ORAI2: variants seen among roughly 807,000 people sequenced by gnomAD.
The protein encoded by ORAI2 is ORAI calcium release-activated calcium modulator 2, also known as protein orai-2.
Under a neutral mutation model 16.2 loss-of-function variants are expected in ORAI2, and 10 were observed. The observed-to-expected ratio is 0.62, with a 90% CI of 0.38 to 1.04. The LOEUF (loss-of-function observed/expected upper bound fraction) is 1.04, where lower values mean the gene tolerates loss of function less well. ORAI2 is among the 50% of genes least tolerant of loss of function. The pLI, the probability that ORAI2 is intolerant of heterozygous loss-of-function variation, is 0.01. For synonymous variants in ORAI2, 150 were observed against 157.5 expected (o/e 0.95, Z 0.35); for missense variants, 238 against 355.5 (o/e 0.67, Z 2.66).
chr7:102,440,090 G>T (rs73189811), intron 3 of ORAI2, among the ~76,000 whole-genome samples: 19,382 of 152,104 alleles, frequency 0.13, 1,599 homozygotes, highest in South Asian at 0.27. Flanking sequence ...GAAATAAATA[G>T]ATTAATTAAT....
chr7:102,442,589 A>T (rs529954741), intron 3 of ORAI2, among the ~76,000 whole-genome samples: 2 of 152,272 alleles, frequency 1.3e-5, no homozygotes, highest in South Asian at 2.1e-4. Context: ...CGGGAGGCTG[A>T]GGCACGAGAA....
intron 2 of ORAI2, among the ~76,000 whole-genome samples, chr7:102,438,085 C>T (rs1341450051): frequency 6.6e-6 from 1 of 150,822 alleles, no homozygotes; most frequent in African/African-American, 2.4e-5. Flanking sequence ...CGGTGGGTCA[C>T]ACCTGTAATC....
rs10672661 is a variant in ORAI2 at position 102,451,200 on chromosome 7, C to CAAAA, written c.*4161_*4164dup. On this transcript the variant is annotated 3_prime_UTR_variant, in exon 4 of 4. Coordinates refer to ENST00000495936, the MANE Select transcript of ORAI2 (RefSeq NM_001126340.3). ...TGGGTAACAGAGCAAGACTCTGTCT[C>CAAAA]AAAAAAAAAAAAAAAAGAACAGGGG... 5.6e-5 allele frequency: 7 copies of CAAAA among 124,524 alleles called. No homozygotes were observed. Among genetic ancestry groups the CAAAA allele is most frequent in the Admixed American group, 1.7e-4 (2 of 11,668 alleles). The allele number at this position is 124,524 out of a possible 1,614,324, so 7.7% of individuals were successfully genotyped here. A position where few individuals can be genotyped will look rare whatever the true frequency, so the allele number is the denominator to read the frequency against.
intron 2 of ORAI2, among the ~76,000 whole-genome samples, chr7:102,437,899 AACAT>A (rs918317946): frequency 1.3e-5 from 2 of 151,946 alleles, no homozygotes; most frequent in African/African-American, 4.8e-5. Context: ...GAAAAATTAA[AACAT>A]TAGCAGGCAT....
At chr7:102,441,702 C>T (rs1011153440) in intron 3 of ORAI2, among the ~76,000 whole-genome samples, 4 of 151,528 alleles carry the variant, frequency 2.6e-5, no homozygotes, top group East Asian at 1.9e-4. Flanking sequence ...TTTTGACCTG[C>T]GGTTGGTTGA....
Position 102,455,906 on chromosome 7 carries a change from G to A in ORAI2, c.*8854G>A, listed in dbSNP as rs1797633584. 1 of 152,288 alleles carries A rather than the reference G, an allele frequency of 6.6e-6. No individual in the cohort carries two copies. Among genetic ancestry groups the A allele is most frequent in the Non-Finnish European group, 1.5e-5 (1 of 68,088 alleles). 9.4% of individuals were successfully genotyped at this position (152,288 alleles called of 1,614,324 possible). The stretch of plus-strand genomic sequence containing the variant: ...TCTTCAGCCCTCCTGGGAGCTCAGT[G>A]GCTGGGATGCTGCTTTACAGACAGT... On this transcript the variant is annotated 3_prime_UTR_variant, in exon 4 of 4. Transcript: ENST00000495936.
At chr7:102,436,478 C>T (rs1797061421) in intron 2 of ORAI2, 145 bp downstream of exon 2, 2 of 380,766 alleles carry the variant, frequency 5.3e-6, no homozygotes, top group Non-Finnish European at 7.2e-6. Flanking sequence ...TGCGTAATTT[C>T]CAAATTGGGG....
At position 102,451,876 on chromosome 7, in the gene ORAI2, T is replaced by A. The variant is rs1307368940; in HGVS notation, c.*4824T>A. On this transcript the variant is annotated 3_prime_UTR_variant, in exon 4 of 4. Coordinates refer to ENST00000495936, the MANE Select transcript of ORAI2 (RefSeq NM_001126340.3). ...CTCCGCCCCGAGAGCGCAGGGTGCC[T>A]CTGCCTGGCGCTTCCCCTCCCAGAC... 1 of 152,248 alleles carries A rather than the reference T, an allele frequency of 6.6e-6. No individual in the cohort carries two copies. Among genetic ancestry groups the A allele is most frequent in the Non-Finnish European group, 1.5e-5 (1 of 68,086 alleles). 9.4% of individuals were successfully genotyped at this position (152,248 alleles called of 1,614,324 possible).
At chr7:102,444,502 C>CT (rs563535088) in intron 3 of ORAI2, among the ~76,000 whole-genome samples, 19,062 of 86,838 alleles carry the variant, frequency 0.22, 1,785 homozygotes, top group South Asian at 0.46. Context: ...ATCCGCCCCC[C>CT]CCCGCCCCCC....
chr7:102,447,138 C>T lies in ORAI2; in HGVS notation c.*86C>T, dbSNP rs1303421583. The T allele has an allele frequency of 7.2e-7, 1 of 1,397,842 alleles. No homozygotes were observed. The highest frequency in any genetic ancestry group is 1.5e-5 in the African/African-American group (1 of 68,946). 86.6% of individuals were successfully genotyped at this position (1,397,842 alleles called of 1,614,324 possible). A position where few individuals can be genotyped will look rare whatever the true frequency, so the allele number is the denominator to read the frequency against. On this transcript the variant is annotated 3_prime_UTR_variant, in exon 4 of 4. Transcript: ENST00000495936. ...TGTCAGATGCAGACATTTTGCAAGGCTGCCGGGTAGTTCAAGACCAAAGTT... is the reference window on the plus strand; with the variant it reads ...TGTCAGATGCAGACATTTTGCAAGGTTGCCGGGTAGTTCAAGACCAAAGTT...
At chr7:102,443,488 A>C (rs1266542631) in intron 3 of ORAI2, among the ~76,000 whole-genome samples, 1 of 151,132 alleles carries the variant, frequency 6.6e-6, no homozygotes, top group Non-Finnish European at 1.5e-5. Context: ...CTACCTCATA[A>C]TCATCTTTAT....
At position 102,446,938 on chromosome 7, in the gene ORAI2, C is replaced by T. The variant is rs1421835613; in HGVS notation, c.651C>T (p.His217=). 3 of 1,612,682 alleles carry T rather than the reference C, an allele frequency of 1.9e-6. No homozygotes were observed. The highest frequency in any genetic ancestry group is 2.2e-5 in the South Asian group (2 of 91,070). Residue 217 remains histidine, a synonymous_variant, in exon 4 of 4, where the codon CAC becomes CAT. Coordinates refer to ENST00000495936, the MANE Select transcript of ORAI2 (RefSeq NM_001126340.3). ...TCATCTTCGTGGTCTTCACCATCCA[C>T]TTCTACCGCTCCCTGGTGCGCCACA... ...VGLIFVVFTI[H]FYRSLVRHKT... is the part of the protein sequence containing the mutation.
Position 102,447,045 on chromosome 7 carries a change from T to C in ORAI2, c.758T>C (p.Val253Ala), listed in dbSNP as rs1797390205. The change falls in exon 4 of 4, where the codon GTC becomes GCC. Residue 253 changes from valine (V) to alanine (A), a missense_variant. Physicochemically the swap from Val to Ala is moderately conservative, Grantham distance 64. Around this residue, in one of 3 missense-constraint regions of ORAI2, gnomAD observed 176 missense variants for 265.9 expected, o/e 0.66. Transcript: ENST00000495936. ...GACGGGCATGAGCGCAGCCTGCAGG[T>C]CTTGTGAGGGGCCGAGGGCCGGGGC... ...QLDGHERSLQ[V>A]L is the part of the protein sequence containing the mutation. The C allele has an allele frequency of 6.5e-7, 1 of 1,539,962 alleles. No homozygotes were observed. Among genetic ancestry groups the C allele is most frequent in the African/African-American group, 1.4e-5 (1 of 73,054 alleles).
At chr7:102,443,087 C>CTTTTCT (rs1554576437) in intron 3 of ORAI2, among the ~76,000 whole-genome samples, 1 of 95,068 alleles carries the variant, frequency 1.1e-5, no homozygotes, top group Non-Finnish European at 2.3e-5. Context: ...ATTGCCTTCT[C>CTTTTCT]TTTTCTTCTT....
intron 3 of ORAI2, among the ~76,000 whole-genome samples, chr7:102,439,878 G>A (rs1177576577): frequency 5.9e-5 from 9 of 151,942 alleles, no homozygotes; most frequent in African/African-American, 1.2e-4. Context: ...TCAGGAGTTC[G>A]AGACCAGCCT....
intron 3 of ORAI2, among the ~76,000 whole-genome samples, chr7:102,441,886 A>G (rs1450230056): frequency 2.0e-5 from 3 of 152,132 alleles, no homozygotes; most frequent in Non-Finnish European, 4.4e-5. Context: ...GGGAAAAATA[A>G]GTGACAAATA....
intron 1 of ORAI2, among the ~76,000 whole-genome samples, chr7:102,434,121 CAAAAAAAAAAAAAAA>C (rs55642836): frequency 1.5e-5 from 1 of 67,006 alleles, no homozygotes; most frequent in Non-Finnish European, 2.8e-5. Context: ...CTCATTAAAG[CAAAAAAAAAAAAAAA>C]AAAAAAAAAG....
chr7:102,443,725 G>A (rs1797274824), intron 3 of ORAI2, among the ~76,000 whole-genome samples: 1 of 151,180 alleles, frequency 6.6e-6, no homozygotes, highest in African/African-American at 2.4e-5. Context: ...TTTCTTTTTT[G>A]AGATGTAGTC....
intron 2 of ORAI2, among the ~76,000 whole-genome samples, chr7:102,436,958 A>G (rs1198593802): frequency 6.6e-6 from 1 of 152,188 alleles, no homozygotes; most frequent in Admixed American, 6.5e-5. Context: ...CAAGTAAACC[A>G]CAAGATGCCT....
Sources: allele counts gnomAD v4.1 joint callset (sites outside exome capture counted in the v4.1 genomes callset), GRCh38; gene constraint gnomAD v4.1.1; regional missense constraint gnomAD v4.1.1; transcripts MANE v1.5; gene names NCBI Gene and HGNC (gene_info 2026-07-23, HGNC 2026-07-21).